The following SH2B1 variants were observed in gnomAD, a reference collection of about 807,000 sequenced individuals.
SH2B1 encodes SH2B adaptor protein 1.
Under a neutral mutation model 62.6 loss-of-function variants are expected in SH2B1, and 15 were observed. The ratio of observed to expected loss-of-function variants is 0.24; its 90% CI spans 0.16 to 0.37. SH2B1 has a LOEUF of 0.37. Ranked by LOEUF, SH2B1 falls within the 10% of genes least tolerant of loss-of-function variation. The pLI is 1.00. For missense variants in SH2B1, 925 were observed against 1,015.6 expected, an observed-to-expected ratio of 0.91 and a Z score of 1.21; for synonymous variants, 443 against 438.0, an observed-to-expected ratio of 1.01 and a Z score of -0.14.
At position 28,873,356 on chromosome 16, in the gene SH2B1, C is replaced by G. The variant is rs1264086673; in HGVS notation, c.1898-91C>G. On this transcript the variant is annotated intron_variant, in intron 7 of 7. Transcript: ENST00000684370. This position sits in a 1 kb window ranked among gnomAD's most constrained non-coding sequence, Gnocchi z 4.2. ...CAGGAGATGGGATGTGGGGAGACAG[C>G]CACGCTCCTGGGGGGCTGAGTGAAG... The G allele has an allele frequency of 3.2e-6, 5 of 1,586,160 alleles. No homozygotes were observed. Among genetic ancestry groups the G allele is most frequent in the Non-Finnish European group, 4.3e-6 (5 of 1,169,964 alleles).
rs548258500 is a variant in SH2B1 at position 28,874,102 on chromosome 16, G to T, written c.*282G>T. 2 of 358,278 alleles carry T rather than the reference G, an allele frequency of 5.6e-6. No homozygotes were observed. Among genetic ancestry groups the T allele is most frequent in the Non-Finnish European group, 1.0e-5 (2 of 200,374 alleles). The allele number at this position is 358,278 out of a possible 1,614,324, so 22.2% of individuals were successfully genotyped here. A position where few individuals can be genotyped will look rare whatever the true frequency, so the allele number is the denominator to read the frequency against. On this transcript the variant is annotated 3_prime_UTR_variant, in exon 8 of 8. Transcript: ENST00000684370. ...TCCCCATTAACTACCCCCAGCCCGA[G>T]GCAGGGTGAGGGGGAAGGGCTGTCA...
intron 1 of SH2B1, 129 bp downstream of exon 1, chr16:28,867,162 G>A: frequency 7.1e-7 from 1 of 1,401,520 alleles, no homozygotes; most frequent in Non-Finnish European, 9.8e-7. Context: ...TGTTGGTAAA[G>A]CTGGCTCTTG....
At position 28,864,286 on chromosome 16, in the gene SH2B1, C is replaced by CTT; in HGVS notation, c.-1808_-1807insTT. ...AGGCAGGTGCACCGGGAAAATGTGT[C>CTT]TGAGTCCTGCTTGGCAGAAGAGAAA... On this transcript the variant is annotated 5_prime_UTR_variant, in exon 1 of 8. It introduces an in-frame stop codon into an upstream open reading frame of the 5' UTR. Coordinates refer to ENST00000684370, the MANE Select transcript of SH2B1 (RefSeq NM_001387430.1). 3.0e-6 allele frequency: 3 copies of CTT among 1,001,072 alleles called. No individual in the cohort carries two copies. Among genetic ancestry groups the CTT allele is most frequent in the Non-Finnish European group, 3.6e-6 (3 of 839,454 alleles). The allele number at this position is 1,001,072 out of a possible 1,614,324, so 62.0% of individuals were successfully genotyped here. A position where few individuals can be genotyped will look rare whatever the true frequency, so the allele number is the denominator to read the frequency against.
At chr16:28,857,500 G>A (rs375040387) in intron 1 of SH2B1, among the ~76,000 whole-genome samples, 4 of 152,218 alleles carry the variant, frequency 2.6e-5, no homozygotes, top group South Asian at 4.1e-4. Context: ...AATTATACAT[G>A]TATATTTTAC....
chr16:28,869,874 G>A (rs1311087996), intron 4 of SH2B1, among the ~76,000 whole-genome samples: 3 of 152,054 alleles, frequency 2.0e-5, no homozygotes, highest in African/African-American at 4.8e-5. Context: ...TTCTAGATTC[G>A]GCCTCCACTA....
At position 28,870,600 on chromosome 16, in the gene SH2B1, T is replaced by G. The variant is rs549422889; in HGVS notation, c.1310-1180T>G. Among the ~76,000 whole-genome samples, 25 of 152,216 alleles carry G rather than the reference T, an allele frequency of 1.6e-4. No homozygotes were observed. In the South Asian group the frequency reaches 5.0e-3, roughly 30 times the overall value. On this transcript the variant is annotated intron_variant, in intron 4 of 7. Transcript: ENST00000684370. Reference sequence around the variant, plus strand: ...AGCATCTTTGATGCCTCTTAAGAGTTAGGGGCTTTGTCCTATAGTTCAACA... The same window carrying G: ...AGCATCTTTGATGCCTCTTAAGAGTGAGGGGCTTTGTCCTATAGTTCAACA...
chr16:28,872,437 A>C lies in SH2B1; in HGVS notation c.1725+36A>C. ...CTGTGGGAAAGGCTCTGTTCTGTGC[A>C]TAGTTGGCAGTGGGGTGGGGGAGCA... On this transcript the variant is annotated intron_variant, in intron 6 of 7. Transcript: ENST00000684370. The surrounding 1 kb of genome is among the most constrained non-coding windows in gnomAD (Gnocchi z 5.3). The C allele has an allele frequency of 6.3e-7, 1 of 1,577,836 alleles. No homozygotes were observed. Among genetic ancestry groups the C allele is most frequent in the Non-Finnish European group, 8.6e-7 (1 of 1,159,154 alleles).
rs756968357 is a variant in SH2B1 at position 28,869,221 on chromosome 16, A to G, written c.1147A>G (p.Thr383Ala). 1 of 1,613,974 alleles carries G rather than the reference A, an allele frequency of 6.2e-7. No homozygotes were observed. Among genetic ancestry groups the G allele is most frequent in the African/African-American group, 1.3e-5 (1 of 75,014 alleles). The change falls in exon 4 of 8, where the codon ACC becomes GCC. Residue 383 changes from threonine (T) to alanine (A), a missense_variant. Thr to Ala is a moderately conservative substitution (Grantham distance 58). Transcript: ENST00000684370. Reference sequence around the variant, plus strand: ...CTGTCTCTGCAGACCCTGCCCTGCTACCAGTCCCCGCCCCATGACCCTCCC... The same window carrying G: ...CTGTCTCTGCAGACCCTGCCCTGCTGCCAGTCCCCGCCCCATGACCCTCCC... ...ECLSPGPCPA[T>A]SPRPMTLPLA...
At chr16:28,869,156 C>T (rs890761452) in intron 3 of SH2B1, 52 bp from the exon 4 acceptor site, 33 of 1,613,080 alleles carry the variant, frequency 2.0e-5, no homozygotes, top group South Asian at 1.2e-4. Flanking sequence ...AGCAGCCTTG[C>T]GCCTCTCACC....
upstream of SH2B1, chr16:28,863,540 C>T (rs1962522919): frequency 3.8e-6 from 3 of 789,504 alleles, no homozygotes; most frequent in Non-Finnish European, 5.9e-6. Flanking sequence ...CTCAGCCGGG[C>T]CCTGGGACTC....
Position 28,852,487 on chromosome 16 carries a change from T to TAC in SH2B1, c.-301+5662_-301+5663dup, listed in dbSNP as rs1328833586. On this transcript the variant is annotated intron_variant, in intron 1 of 10. Transcript: ENST00000322610. ...ATATATATACATATATATTTATATA[T>TAC]ACATACATATATTTATATATATACA... Among the ~76,000 whole-genome samples, 93 of 39,398 alleles carry TAC rather than the reference T, an allele frequency of 2.4e-3. 39 individuals carry two copies. Among genetic ancestry groups the TAC allele is most frequent in the Non-Finnish European group, 3.5e-3 (84 of 24,114 alleles). The allele number at this position is 39,398 out of a possible 152,430, so 25.8% of individuals were successfully genotyped here. A position where few individuals can be genotyped will look rare whatever the true frequency, so the allele number is the denominator to read the frequency against.
intron 1 of SH2B1, among the ~76,000 whole-genome samples, chr16:28,848,122 A>G (rs1962025024): frequency 6.6e-6 from 1 of 151,396 alleles, no homozygotes; most frequent in South Asian, 2.1e-4. Context: ...TACCACGCTC[A>G]GCCAAGAAAG....
intron 1 of SH2B1, among the ~76,000 whole-genome samples, chr16:28,854,448 G>C (rs568646477): frequency 6.6e-6 from 1 of 152,112 alleles, no homozygotes; most frequent in African/African-American, 2.4e-5. Context: ...TCTCAATAAA[G>C]CTGTTATTAA....
chr16:28,853,037 CATATATATTTAT>C (rs1286582310), intron 1 of SH2B1, among the ~76,000 whole-genome samples: 9 of 79,234 alleles, frequency 1.1e-4, no homozygotes, highest in Non-Finnish European at 6.6e-5. Context: ...TATATATGTA[CATATATATTTAT>C]ATATGTACAT....
At chr16:28,863,330 C>G (rs1372731757), upstream of SH2B1, 1 of 221,500 alleles carries the variant, frequency 4.5e-6, no homozygotes, top group Non-Finnish European at 9.1e-6. Context: ...CCCCTTTCCT[C>G]AGATAAACCA....
At chr16:28,863,520 T>C (rs1445914148), upstream of SH2B1, 15 of 654,964 alleles carry the variant, frequency 2.3e-5, no homozygotes, top group South Asian at 2.6e-4. Context: ...GCTCGGCGGC[T>C]ACTCTAGCCC....
rs1240266123 is a variant in SH2B1, at chr16:28,853,116, A to T, written c.-301+6289A>T. ...TACATATATATTTATATATACATTT[A>T]TATATATTTATGTATACATTTATAT... On this transcript the variant is annotated intron_variant, in intron 1 of 10. Transcript: ENST00000322610. Among the ~76,000 whole-genome samples, 176 of 126,588 alleles carry T rather than the reference A, an allele frequency of 1.4e-3. 1 individual carries two copies. Among genetic ancestry groups the T allele is most frequent in the African/African-American group, 5.1e-3 (167 of 33,022 alleles). The allele number at this position is 126,588 out of a possible 152,430, so 83.0% of individuals were successfully genotyped here.
At chr16:28,853,164 A>G (rs1962243763) in intron 1 of SH2B1, among the ~76,000 whole-genome samples, 1 of 135,702 alleles carries the variant, frequency 7.4e-6, no homozygotes, top group South Asian at 2.1e-4. Flanking sequence ...ATGTATATAT[A>G]AATATATATA....
Position 28,866,638 on chromosome 16 carries a change from G to A in SH2B1, c.544G>A (p.Ala182Thr), listed in dbSNP as rs558967163. 2.3e-5 allele frequency: 37 copies of A among 1,613,362 alleles called. 1 individual carries two copies. The highest frequency in any genetic ancestry group is 8.9e-5 in the East Asian group (4 of 44,870). ...WRGTVDPPSS[A>T]GPLETSSGPP... ...GGGGACCGTTGACCCTCCCTCCTCC[G>A]CTGGGCCCCTGGAGACCTCGTCAGG... Residue 182 changes from alanine (A) to threonine (T), a missense_variant, in exon 1 of 8, where the codon GCT becomes ACT. Transcript: ENST00000684370. This position sits in a 1 kb window ranked among gnomAD's most constrained non-coding sequence, Gnocchi z 6.3.
Sources: allele counts gnomAD v4.1 joint callset (sites outside exome capture counted in the v4.1 genomes callset), GRCh38; gene constraint gnomAD v4.1.1; non-coding constraint Gnocchi (gnomAD v3.1); transcripts MANE v1.5; gene names NCBI Gene and HGNC (gene_info 2026-07-23, HGNC 2026-07-21).